USP6: variants seen among roughly 807,000 people sequenced by gnomAD.
The protein encoded by USP6 is ubiquitin specific peptidase 6.
Under a neutral mutation model 175.7 loss-of-function variants are expected in USP6, and 128 were observed. The ratio of observed to expected loss-of-function variants is 0.73; its 90% CI spans 0.63 to 0.84. The LOEUF (loss-of-function observed/expected upper bound fraction) is 0.84, where lower values mean the gene tolerates loss of function less well. Among genes scored for constraint, USP6 ranks in the 40% least tolerant of loss-of-function variants. USP6 has a pLI of 0.00. For synonymous variants in USP6, 562 were observed against 630.6 expected (o/e 0.89, Z 1.63); for missense variants, 1,498 against 1,760.3 (o/e 0.85, Z 2.67).
intron 2 of USP6, among the ~76,000 whole-genome samples, chr17:5,118,797 C>T (rs2072587930): frequency 6.6e-6 from 1 of 152,170 alleles, no homozygotes; most frequent in Non-Finnish European, 1.5e-5. Flanking sequence ...CATCTTCTCC[C>T]CAAAGTCTGG....
intron 11 of USP6, among the ~76,000 whole-genome samples, chr17:5,130,916 G>A (rs1040113624): frequency 3.9e-5 from 6 of 152,216 alleles, no homozygotes; most frequent in African/African-American, 1.4e-4. Context: ...GACTGGGCTA[G>A]GCCAGGCCCC....
intron 26 of USP6, 123 bp downstream of exon 26, chr17:5,144,986 G>A: frequency 1.5e-6 from 2 of 1,368,752 alleles, no homozygotes; most frequent in African/African-American, 1.5e-5. Flanking sequence ...CAAAAATTAA[G>A]GAATTTCTAT....
chr17:5,134,812 G>C (rs1188564446), intron 15 of USP6: 2 of 308,600 alleles, frequency 6.5e-6, no homozygotes, highest in African/African-American at 4.4e-5. Flanking sequence ...CTGAGCAGCA[G>C]TCTGGGTGGC....
At position 5,132,640 on chromosome 17, in the gene USP6, G is replaced by C. The variant is rs564707982; in HGVS notation, c.195+205G>C. Among the ~76,000 whole-genome samples, 1 of 152,212 alleles carries C rather than the reference G, an allele frequency of 6.6e-6. No homozygotes were observed. The highest frequency in any genetic ancestry group is 2.4e-5 in the African/African-American group (1 of 41,462). On this transcript the variant is annotated intron_variant, in intron 12 of 37. Coordinates refer to ENST00000574788, the MANE Select transcript of USP6 (RefSeq NM_001304284.2). This position sits in a 1 kb window ranked among gnomAD's most constrained non-coding sequence, Gnocchi z 4.7. ...AAAGTGAGAACCACAGTCCTGGCTTGGGGGGTGGCTGCGCGCTTGTGTCAG... is the reference window on the plus strand; with the variant it reads ...AAAGTGAGAACCACAGTCCTGGCTTCGGGGGTGGCTGCGCGCTTGTGTCAG...
intron 6 of USP6, among the ~76,000 whole-genome samples, chr17:5,126,528 A>G (rs1301604788): frequency 6.6e-6 from 1 of 152,128 alleles, no homozygotes; most frequent in Admixed American, 6.5e-5. Context: ...ACTGGGATCA[A>G]GAGTAACTCG....
Position 5,135,867 on chromosome 17 carries a change from TGAG to T in USP6, c.609_611del (p.Glu203del). 1.3e-6 allele frequency: 2 copies of T among 1,599,566 alleles called. No homozygotes were observed. The highest frequency in any genetic ancestry group is 1.1e-5 in the South Asian group (1 of 90,990). On this transcript the variant is annotated inframe_deletion, in exon 17 of 38. Transcript: ENST00000574788. ...CCGCCTTGTTCCTCCTTTATCTGCC[TGAG>T]GAGGACGCATTCTGGGCACTGGTGC...
chr17:5,149,603 A>C (rs1014419246), intron 30 of USP6, among the ~76,000 whole-genome samples: 1 of 152,090 alleles, frequency 6.6e-6, no homozygotes, highest in Non-Finnish European at 1.5e-5. Context: ...ACACACACAA[A>C]ATTTATGTTT....
Position 5,161,566 on chromosome 17 carries a change from G to A in USP6, c.2867G>A (p.Arg956Gln), listed in dbSNP as rs779653779. 4 of 1,613,880 alleles carry A rather than the reference G, an allele frequency of 2.5e-6. No individual in the cohort carries two copies. Among genetic ancestry groups the A allele is most frequent in the Non-Finnish European group, 2.5e-6 (3 of 1,179,918 alleles). Residue 956 changes from arginine to glutamine, a missense_variant, in exon 32 of 38, where the codon CGA becomes CAA. Transcript: ENST00000574788. ...GGCTATCAATATCCATTCACTCTAC[G>A]AGTTGTGCAGAAAGATGGGAACTCC... is the stretch of plus-strand genomic sequence containing the variant. ...CMGYQYPFTL[R>Q]VVQKDGNSCA...
Position 5,125,019 on chromosome 17 carries a change from G to T in USP6, c.-845G>T, listed in dbSNP as rs920361015. The T allele has an allele frequency of 5.9e-5, 9 of 152,266 alleles. No individual in the cohort carries two copies. The highest frequency in any genetic ancestry group is 2.9e-5 in the Non-Finnish European group (2 of 68,086). 9.4% of individuals were successfully genotyped at this position (152,266 alleles called of 1,614,324 possible). ...GGTGAGCAGCCAGCCAGTGAGCAAA[G>T]CTTCATCTGTAGAAACAGCCACTTC... On this transcript the variant is annotated 5_prime_UTR_variant, in exon 5 of 38. Transcript: ENST00000574788.
In USP6 at chr17:5,122,603, C is replaced by G. The variant is rs562683143; in HGVS notation, c.-1299+853C>G. 7.5e-3 allele frequency among the ~76,000 whole-genome samples: 1,135 copies of G among 152,348 alleles called. 22 individuals carry two copies. The highest frequency in any genetic ancestry group is 0.025 in the African/African-American group (1,044 of 41,572). On this transcript the variant is annotated intron_variant, in intron 4 of 37. Transcript: ENST00000574788. ...CTCCCCAGCCCAACCCAGCCCCGAC[C>G]CTCCGCTGCGGGGCCCTCCCGGAAC...
chr17:5,137,651 A>C lies in USP6; in HGVS notation c.826A>C (p.Ile276Leu), dbSNP rs140079865. Residue 276 changes from isoleucine (I) to leucine (L), a missense_variant and splice_region_variant, in exon 20 of 38, where the codon ATC becomes CTC. Coordinates refer to ENST00000574788, the MANE Select transcript of USP6 (RefSeq NM_001304284.2). ...GCLLRNLIDG[I>L]SLGLTLRLWD... is the part of the protein sequence containing the mutation. ...TCTCTCATACCTGCTGTCCCCACAG[A>C]TCTCTCTCGGGCTCACCCTGCGCCT... is the stretch of plus-strand genomic sequence containing the variant. The C allele has an allele frequency of 3.5e-4, 558 of 1,604,264 alleles. No homozygotes were observed. Among genetic ancestry groups the C allele is most frequent in the Non-Finnish European group, 4.0e-4 (468 of 1,173,688 alleles).
chr17:5,170,949 G>A, intron 36 of USP6, 34 bp downstream of exon 36: 1 of 1,600,634 alleles, frequency 6.2e-7, no homozygotes, highest in Non-Finnish European at 8.5e-7. Context: ...TCAGAGAGTG[G>A]TCTGTGTTTT....
intron 30 of USP6, among the ~76,000 whole-genome samples, chr17:5,154,662 A>G (rs549962873): frequency 6.6e-6 from 1 of 152,192 alleles, no homozygotes; most frequent in Non-Finnish European, 1.5e-5. Flanking sequence ...TTGCCACTCC[A>G]ACAACCACTA....
At chr17:5,137,834 C>T (rs2073307484) in intron 20 of USP6, 84 bp downstream of exon 20, 2 of 1,593,192 alleles carry the variant, frequency 1.3e-6, no homozygotes, top group African/African-American at 2.7e-5. Context: ...TCACACTGTC[C>T]TCATGATCCT....
chr17:5,162,311 C>G (rs1201877497), intron 32 of USP6, among the ~76,000 whole-genome samples: 1 of 151,978 alleles, frequency 6.6e-6, no homozygotes, highest in Non-Finnish European at 1.5e-5. Flanking sequence ...ACCACTGTAC[C>G]CAGCTAATTT....
rs2074131088 is a variant in USP6 at position 5,167,995 on chromosome 17, G to A, written c.3100G>A (p.Asp1034Asn). 1.2e-6 allele frequency: 2 copies of A among 1,611,860 alleles called. No homozygotes were observed. The highest frequency in any genetic ancestry group is 1.3e-5 in the African/African-American group (1 of 74,836). ...RRAQAEPINL[D>N]SCLRAFTSEE... ...AGCGCAAGCCGAGCCCATCAACCTG[G>A]ACAGCTGTCTCCGTGCTTTCACCAG... The change falls in exon 34 of 38, where the codon GAC (aspartate) becomes AAC (asparagine). Residue 1034 changes from aspartate (D) to asparagine (N), a missense_variant. This residue lies in a region of USP6 where 1,217 missense variants were observed against 1,500.8 expected (regional missense o/e 0.81). Transcript: ENST00000574788.
At chr17:5,154,173 T>TACCC (rs1365187179) in intron 30 of USP6, among the ~76,000 whole-genome samples, 15 of 152,244 alleles carry the variant, frequency 9.9e-5, no homozygotes, top group Non-Finnish European at 1.5e-4. Flanking sequence ...AAATAGGGTC[T>TACCC]TAAAATTATG....
At chr17:5,167,781 G>T in intron 33 of USP6, 151 bp from the exon 34 acceptor site, 1 of 972,138 alleles carries the variant, frequency 1.0e-6, no homozygotes, top group Non-Finnish European at 1.5e-6. Flanking sequence ...TAGGATTACA[G>T]GCCTGAGCCA....
chr17:5,145,958 C>T (rs2073596028), intron 27 of USP6, 65 bp from the exon 28 acceptor site: 5 of 1,500,254 alleles, frequency 3.3e-6, no homozygotes, highest in African/African-American at 1.4e-5. Context: ...TATATCTGTA[C>T]ACAGCATTTA....
Sources: gnomAD v4.1 joint callset for allele counts (sites outside exome capture counted in the v4.1 genomes callset) on GRCh38, gnomAD v4.1.1 for gene constraint, gnomAD v4.1.1 regional missense constraint, Gnocchi (gnomAD v3.1) non-coding constraint, MANE v1.5 for transcripts, NCBI Gene and HGNC (gene_info 2026-07-23, HGNC 2026-07-21) for gene names.